CEP63: variants seen among roughly 807,000 people sequenced by gnomAD.
The protein encoded by CEP63 is centrosomal protein of 63 kDa.
CEP63 carries 84 observed loss-of-function variants against 89.1 expected under a neutral mutation model. The observed-to-expected ratio is 0.94, with a 90% confidence interval of 0.79 to 1.13. The LOEUF (loss-of-function observed/expected upper bound fraction) is 1.13, where lower values mean the gene tolerates loss of function less well. CEP63 is among the 50% of genes most tolerant of loss of function. The pLI is 0.00. For synonymous variants in CEP63, 267 were observed against 272.5 expected (o/e 0.98, Z 0.20); for missense variants, 838 against 813.3 (o/e 1.03, Z -0.37).
chr3:134,709,878 G>A, the CEP63 span, among the ~76,000 whole-genome samples: 520 of 152,318 alleles, frequency 3.4e-3, 7 homozygotes, highest in African/African-American at 0.012. Flanking sequence ...ATGGTGATCC[G>A]TTAATGGCAG....
At chr3:134,677,874 G>A in the CEP63 span, among the ~76,000 whole-genome samples, 22 of 151,960 alleles carry the variant, frequency 1.4e-4, no homozygotes, top group South Asian at 4.6e-3. Context: ...GTCACGCCGT[G>A]TCCCAAGTAT....
the CEP63 span, among the ~76,000 whole-genome samples, chr3:134,691,149 G>A: frequency 0.028 from 4,326 of 152,234 alleles, 188 homozygotes; most frequent in African/African-American, 0.099. Flanking sequence ...GAGCCTAGGC[G>A]TTTGAGACCA....
the CEP63 span, among the ~76,000 whole-genome samples, chr3:134,717,277 T>G: frequency 6.6e-6 from 1 of 152,174 alleles, no homozygotes; most frequent in African/African-American, 2.4e-5. Flanking sequence ...CTGTGGAAAC[T>G]CAGTTAGTTT....
chr3:134,705,312 T>A, the CEP63 span, among the ~76,000 whole-genome samples: 22 of 152,066 alleles, frequency 1.4e-4, no homozygotes, highest in Non-Finnish European at 3.1e-4. Flanking sequence ...TGCAGACACA[T>A]GAGAAGGAGC....
the CEP63 span, among the ~76,000 whole-genome samples, chr3:134,614,802 G>A: frequency 5.3e-5 from 8 of 152,136 alleles, no homozygotes; most frequent in Admixed American, 4.6e-4. Context: ...ACCAAGGCCA[G>A]GCCCCAACAG....
At chr3:134,625,203 G>T in the CEP63 span, 1 of 1,277,654 alleles carries the variant, frequency 7.8e-7, no homozygotes, top group Non-Finnish European at 1.1e-6. Context: ...CCTAGGCCTT[G>T]CTGTCTCTTT....
chr3:134,599,437 T>C, the CEP63 span, among the ~76,000 whole-genome samples: 124 of 152,334 alleles, frequency 8.1e-4, no homozygotes, highest in African/African-American at 2.9e-3. Context: ...CAGCAGCTTC[T>C]CAGAAATGTC....
chr3:134,666,471 C>T, the CEP63 span, among the ~76,000 whole-genome samples: 1 of 152,216 alleles, frequency 6.6e-6, no homozygotes, highest in African/African-American at 2.4e-5. Context: ...CCCCATCTCC[C>T]TCTCATCTCT....
chr3:134,671,364 G>C, the CEP63 span, among the ~76,000 whole-genome samples: 1 of 152,326 alleles, frequency 6.6e-6, no homozygotes, highest in Admixed American at 6.5e-5. Context: ...GCTGAGGGTT[G>C]AATGATCACC....
chr3:134,616,594 A>G, the CEP63 span, among the ~76,000 whole-genome samples: 4 of 152,322 alleles, frequency 2.6e-5, no homozygotes, highest in Admixed American at 1.3e-4. Flanking sequence ...CAGTGTGAGG[A>G]ATTTTGCACA....
chr3:134,741,509 T>G, the CEP63 span, among the ~76,000 whole-genome samples: 1 of 152,180 alleles, frequency 6.6e-6, no homozygotes, highest in Non-Finnish European at 1.5e-5. Flanking sequence ...CCAGCCCCTG[T>G]GGATGCTTGA....
At chr3:134,546,671 A>G (rs1197435177) in intron 8 of CEP63, among the ~76,000 whole-genome samples, 4 of 152,170 alleles carry the variant, frequency 2.6e-5, no homozygotes, top group African/African-American at 7.2e-5. Context: ...ACTAGTTTTC[A>G]TATTGCATAT....
chr3:134,695,279 ATC>A, the CEP63 span, among the ~76,000 whole-genome samples: 3 of 152,220 alleles, frequency 2.0e-5, no homozygotes, highest in African/African-American at 7.2e-5. Context: ...TGAAGGGGAA[ATC>A]CCATTTCCTT....
At chr3:134,496,253 C>G (rs1939900385) in intron 2 of CEP63, among the ~76,000 whole-genome samples, 1 of 152,148 alleles carries the variant, frequency 6.6e-6, no homozygotes, top group Non-Finnish European at 1.5e-5. Context: ...GCATTTCCCC[C>G]TAGTACTACC....
chr3:134,773,506 C>A, the CEP63 span, among the ~76,000 whole-genome samples: 1 of 152,156 alleles, frequency 6.6e-6, no homozygotes, highest in African/African-American at 2.4e-5. Flanking sequence ...TTCAAGTGCA[C>A]CCTGCTATGT....
chr3:134,711,988 A>G, the CEP63 span, among the ~76,000 whole-genome samples: 1 of 152,034 alleles, frequency 6.6e-6, no homozygotes, highest in East Asian at 1.9e-4. Flanking sequence ...TCCTGACCTC[A>G]GGTGGTCCAC....
the CEP63 span, among the ~76,000 whole-genome samples, chr3:134,747,947 G>A: frequency 2.6e-5 from 4 of 151,842 alleles, no homozygotes; most frequent in Non-Finnish European, 5.9e-5. Flanking sequence ...CACCATGCCC[G>A]GCTAATTTTT....
At chr3:134,665,702 C>CACACAG in the CEP63 span, among the ~76,000 whole-genome samples, 776 of 102,252 alleles carry the variant, frequency 7.6e-3, 7 homozygotes, top group Middle Eastern at 0.04. Context: ...CACACACACA[C>CACACAG]AGAGAGAGAG....
chr3:134,635,051 T>C, the CEP63 span, among the ~76,000 whole-genome samples: 1 of 152,216 alleles, frequency 6.6e-6, no homozygotes, highest in African/African-American at 2.4e-5. Context: ...TGTTGGGCAT[T>C]TATCCCAGAG....
Sources: gnomAD v4.1 joint callset for allele counts (sites outside exome capture counted in the v4.1 genomes callset) on GRCh38, gnomAD v4.1.1 for gene constraint, MANE v1.5 for transcripts, NCBI Gene and HGNC (gene_info 2026-07-23, HGNC 2026-07-21) for gene names.